LINGO2: variants seen among roughly 807,000 people sequenced by gnomAD.
LINGO2 encodes the protein leucine rich repeat and Ig domain containing 2.
Under a neutral mutation model 30.6 loss-of-function variants are expected in LINGO2, and 14 were observed. That is an observed-to-expected ratio of 0.46 (90% CI 0.30 to 0.72). The LOEUF (loss-of-function observed/expected upper bound fraction) is 0.72. Among genes scored for constraint, LINGO2 ranks in the 30% least tolerant of loss-of-function variants. The pLI, the probability that LINGO2 is intolerant of heterozygous loss-of-function variation, is 0.07. For missense variants in LINGO2, 729 were observed against 751.7 expected, an observed-to-expected ratio of 0.97 and a Z score of 0.35; for synonymous variants, 317 against 288.5, an observed-to-expected ratio of 1.10 and a Z score of -1.00.
intron 4 of LINGO2, among the ~76,000 whole-genome samples, chr9:28,058,959 A>G (rs964095685): frequency 6.6e-6 from 1 of 152,148 alleles, no homozygotes; most frequent in African/African-American, 2.4e-5. Context: ...GCATGCTCAC[A>G]TTTTATTTCC....
chr9:28,832,588 G>C, the LINGO2 span, among the ~76,000 whole-genome samples: 1 of 152,128 alleles, frequency 6.6e-6, no homozygotes, highest in African/African-American at 2.4e-5. Flanking sequence ...TTTTCCAGTG[G>C]CTCATGTCCT....
At chr9:29,168,295 T>C in the LINGO2 span, among the ~76,000 whole-genome samples, 1 of 152,152 alleles carries the variant, frequency 6.6e-6, no homozygotes, top group Non-Finnish European at 1.5e-5. Context: ...TAAAGTATTA[T>C]ATTTGTATGT....
chr9:29,075,302 G>C, the LINGO2 span, among the ~76,000 whole-genome samples: 1 of 152,090 alleles, frequency 6.6e-6, no homozygotes, highest in South Asian at 2.1e-4. Flanking sequence ...AATAATAAGT[G>C]ACATCCAAGG....
chr9:28,619,462 T>C (rs911098496), intron 1 of LINGO2, among the ~76,000 whole-genome samples: 1 of 152,136 alleles, frequency 6.6e-6, no homozygotes, highest in African/African-American at 2.4e-5. Flanking sequence ...CGCCACTTCT[T>C]TACAGACTTA....
chr9:28,324,716 C>T (rs1030617350), intron 3 of LINGO2, among the ~76,000 whole-genome samples: 8 of 152,104 alleles, frequency 5.3e-5, no homozygotes, highest in Non-Finnish European at 1.0e-4. Flanking sequence ...AGGGGAGGAA[C>T]CCTCAGGTCC....
intron 1 of LINGO2, among the ~76,000 whole-genome samples, chr9:28,503,177 A>C (rs1254837194): frequency 6.6e-6 from 1 of 152,108 alleles, no homozygotes; most frequent in East Asian, 1.9e-4. Context: ...GGTTCATTAC[A>C]GCCACTATGA....
At chr9:29,114,435 G>A in the LINGO2 span, among the ~76,000 whole-genome samples, 2 of 145,854 alleles carry the variant, frequency 1.4e-5, no homozygotes, top group East Asian at 4.0e-4. Flanking sequence ...TATGTTTTAG[G>A]ATACATGTGC....
chr9:28,357,269 C>T (rs185337816), intron 3 of LINGO2, among the ~76,000 whole-genome samples: 17 of 149,546 alleles, frequency 1.1e-4, no homozygotes, highest in African/African-American at 3.7e-4. Flanking sequence ...AAAATACAAC[C>T]TTTTATTAGT....
At chr9:28,622,249 C>T (rs1826432818) in intron 1 of LINGO2, among the ~76,000 whole-genome samples, 1 of 151,942 alleles carries the variant, frequency 6.6e-6, no homozygotes, top group African/African-American at 2.4e-5. Flanking sequence ...TCTTATTCAT[C>T]CTTTCAAACT....
exon 6 of LINGO2, chr9:27,950,673 A>T: frequency 2.7e-6 from 4 of 1,497,166 alleles, no homozygotes; most frequent in Non-Finnish European, 3.6e-6. Context: ...GTGAAGCATG[A>T]CTCCACTTCT....
the LINGO2 span, among the ~76,000 whole-genome samples, chr9:29,032,119 AT>A: frequency 1.3e-5 from 2 of 152,148 alleles, no homozygotes; most frequent in East Asian, 3.9e-4. Context: ...TACGTTTTAA[AT>A]TTTTCTAAAG....
the LINGO2 span, among the ~76,000 whole-genome samples, chr9:29,213,473 C>T: frequency 6.6e-6 from 1 of 152,078 alleles, no homozygotes; most frequent in African/African-American, 2.4e-5. Context: ...AGCGCCGGTG[C>T]GGGGCTGGGC....
intron 3 of LINGO2, among the ~76,000 whole-genome samples, chr9:28,351,696 A>C (rs1819901388): frequency 6.6e-6 from 1 of 151,502 alleles, no homozygotes. Flanking sequence ...AGACACAACA[A>C]AAAAAGAGAA....
rs1333970725 is a variant in LINGO2 at position 28,512,607 on chromosome 9, A to G, written c.-364-36582T>C. 2.6e-3 allele frequency among the ~76,000 whole-genome samples: 10 copies of G among 3,782 alleles called. 1 individual carries two copies. The highest frequency in any genetic ancestry group is 6.4e-3 in the Admixed American group (1 of 156). 2.5% of individuals were successfully genotyped at this position (3,782 alleles called of 152,430 possible). ...TATATATGTGTGTATATATATATAT[A>G]TATATATATATATATATATATATAT... is the stretch of plus-strand genomic sequence containing the variant. On this transcript the variant is annotated intron_variant, in intron 1 of 5. Coordinates refer to ENST00000379992, the Ensembl canonical transcript of LINGO2.
At chr9:29,119,659 C>T in the LINGO2 span, among the ~76,000 whole-genome samples, 3 of 140,400 alleles carry the variant, frequency 2.1e-5, no homozygotes, top group Non-Finnish European at 4.5e-5. Context: ...TGTCTTGGCT[C>T]ACTACAACTT....
intron 2 of LINGO2, among the ~76,000 whole-genome samples, chr9:28,383,629 T>C (rs568636719): frequency 6.6e-6 from 1 of 152,154 alleles, no homozygotes; most frequent in African/African-American, 2.4e-5. Flanking sequence ...CAGAGGGGTT[T>C]GTCACTTCCA....
intron 2 of LINGO2, among the ~76,000 whole-genome samples, chr9:28,446,043 A>G (rs935813219): frequency 2.0e-5 from 3 of 152,258 alleles, no homozygotes; most frequent in African/African-American, 7.2e-5. Flanking sequence ...AGAGCAAGAT[A>G]GAACATTATA....
At chr9:28,965,622 T>C in the LINGO2 span, among the ~76,000 whole-genome samples, 1 of 152,082 alleles carries the variant, frequency 6.6e-6, no homozygotes, top group Non-Finnish European at 1.5e-5. Flanking sequence ...CAATAGGTTT[T>C]CCAGCATAAC....
At chr9:28,288,407 C>A (rs1823597378) in intron 4 of LINGO2, among the ~76,000 whole-genome samples, 1 of 152,146 alleles carries the variant, frequency 6.6e-6, no homozygotes. Context: ...TCTTAAGCTT[C>A]ATGCTTTTTA....
Sources: gnomAD v4.1 joint callset for allele counts (sites outside exome capture counted in the v4.1 genomes callset) on GRCh38, gnomAD v4.1.1 for gene constraint, MANE v1.5 for transcripts, NCBI Gene and HGNC (gene_info 2026-07-23, HGNC 2026-07-21) for gene names.